ITPR1: variants seen among roughly 807,000 people sequenced by gnomAD.
ITPR1 encodes the protein inositol 1,4,5-trisphosphate-gated calcium channel ITPR1.
Under a neutral mutation model 318.4 loss-of-function variants are expected in ITPR1, and 96 were observed. The observed-to-expected ratio is 0.30, with a 90% CI of 0.26 to 0.36. The LOEUF (loss-of-function observed/expected upper bound fraction) is 0.36. ITPR1 is among the 10% of genes least tolerant of loss of function. ITPR1 has a pLI of 1.00. For synonymous variants in ITPR1, 1,312 were observed against 1,289.9 expected, an observed-to-expected ratio of 1.02 and a Z score of -0.37; for missense variants, 2,440 against 3,460.2, an observed-to-expected ratio of 0.71 and a Z score of 7.40.
chr3:4,670,277 A>G (rs1419698153), intron 19 of ITPR1, among the ~76,000 whole-genome samples: 1 of 152,242 alleles, frequency 6.6e-6, no homozygotes, highest in Non-Finnish European at 1.5e-5. Context: ...AAAACATACT[A>G]AATTACGTCC....
chr3:4,841,594 A>T (rs2106552688), intron 61 of ITPR1, among the ~76,000 whole-genome samples: 1 of 152,362 alleles, frequency 6.6e-6, no homozygotes, highest in Middle Eastern at 3.4e-3. Context: ...AAGTAAACAG[A>T]TCAATTATAA....
At chr3:4,499,943 T>C (rs304062) in intron 2 of ITPR1, among the ~76,000 whole-genome samples, 1 of 152,118 alleles carries the variant, frequency 6.6e-6, no homozygotes. Context: ...TTTGCTTAGG[T>C]GGGTGTGAGA....
intron 4 of ITPR1, among the ~76,000 whole-genome samples, chr3:4,603,486 G>C (rs1300316841): frequency 6.6e-6 from 1 of 152,066 alleles, no homozygotes; most frequent in Admixed American, 6.5e-5. Flanking sequence ...CTGGAGTGCA[G>C]TGGTGCAATC....
At chr3:4,793,652 GC>G (rs746327221) in intron 52 of ITPR1, among the ~76,000 whole-genome samples, 54 of 152,218 alleles carry the variant, frequency 3.5e-4, no homozygotes, top group Non-Finnish European at 5.7e-4. Flanking sequence ...GTCCTGGCTG[GC>G]CCCCCATTCA....
intron 20 of ITPR1, chr3:4,671,898 C>G (rs2094093792): frequency 6.6e-6 from 1 of 152,084 alleles, no homozygotes; most frequent in Admixed American, 6.5e-5. Context: ...AGTATTTTAT[C>G]TCTACTTAAA....
chr3:4,785,809 C>T (rs2047158931), intron 51 of ITPR1, among the ~76,000 whole-genome samples: 1 of 152,202 alleles, frequency 6.6e-6, no homozygotes, highest in South Asian at 2.1e-4. Flanking sequence ...GAAATATGTT[C>T]TCCTGACTCC....
chr3:4,795,298 A>C, intron 53 of ITPR1, 111 bp downstream of exon 53: 4 of 911,544 alleles, frequency 4.4e-6, no homozygotes, highest in South Asian at 2.8e-5. Flanking sequence ...GATCCCAGTT[A>C]TCCACATTCA....
intron 18 of ITPR1, among the ~76,000 whole-genome samples, chr3:4,669,275 C>T (rs1178787144): frequency 2.6e-5 from 4 of 152,210 alleles, no homozygotes; most frequent in African/African-American, 7.2e-5. Flanking sequence ...AGCAGAACTC[C>T]GCTAATAAGA....
chr3:4,499,932 CT>C (rs1287343339), intron 2 of ITPR1, among the ~76,000 whole-genome samples: 2 of 152,140 alleles, frequency 1.3e-5, no homozygotes, highest in Non-Finnish European at 2.9e-5. Flanking sequence ...GCTCTGTAAA[CT>C]TTGCTTAGGT....
At chr3:4,823,548 C>A (rs2049860777) in intron 60 of ITPR1, among the ~76,000 whole-genome samples, 1 of 151,920 alleles carries the variant, frequency 6.6e-6, no homozygotes, top group Non-Finnish European at 1.5e-5. Flanking sequence ...GTGAAATAAG[C>A]CAAGCACAAA....
intron 20 of ITPR1, among the ~76,000 whole-genome samples, chr3:4,672,856 A>G (rs1409278949): frequency 6.6e-6 from 1 of 152,200 alleles, no homozygotes; most frequent in Non-Finnish European, 1.5e-5. Context: ...TTAAGGACCT[A>G]GTGGAATTAG....
At chr3:4,511,551 G>T (rs183201011) in intron 2 of ITPR1, among the ~76,000 whole-genome samples, 59 of 152,284 alleles carry the variant, frequency 3.9e-4, no homozygotes, top group South Asian at 8.3e-4. Flanking sequence ...ATATATTGGT[G>T]GCATGCCTAC....
At chr3:4,524,674 G>A (rs921888198) in intron 4 of ITPR1, among the ~76,000 whole-genome samples, 4 of 152,132 alleles carry the variant, frequency 2.6e-5, no homozygotes, top group Non-Finnish European at 5.9e-5. Context: ...TAAGTAAATG[G>A]AAATCCAAGG....
intron 52 of ITPR1, among the ~76,000 whole-genome samples, chr3:4,790,878 A>G (rs1256700627): frequency 6.6e-6 from 1 of 152,160 alleles, no homozygotes; most frequent in Non-Finnish European, 1.5e-5. Context: ...TCTTCTGTGC[A>G]CTCACATCCT....
At chr3:4,758,355 G>A (rs929056603) in intron 44 of ITPR1, among the ~76,000 whole-genome samples, 2 of 152,124 alleles carry the variant, frequency 1.3e-5, no homozygotes, top group Non-Finnish European at 2.9e-5. Flanking sequence ...AGCCATGCCC[G>A]CTCCCACCAG....
chr3:4,553,759 C>T (rs754701062), intron 4 of ITPR1, among the ~76,000 whole-genome samples: 43 of 152,130 alleles, frequency 2.8e-4, no homozygotes, highest in Non-Finnish European at 5.3e-4. Context: ...CACCACCACG[C>T]CTGGCTAATT....
chr3:4,656,143 A>T (rs1238065323), intron 12 of ITPR1, among the ~76,000 whole-genome samples: 1 of 152,220 alleles, frequency 6.6e-6, no homozygotes, highest in Non-Finnish European at 1.5e-5. Context: ...AGGCTTCTGC[A>T]CATGTGCCTT....
At chr3:4,731,238 G>T (rs2042907342) in intron 42 of ITPR1, among the ~76,000 whole-genome samples, 1 of 152,186 alleles carries the variant, frequency 6.6e-6, no homozygotes, top group South Asian at 2.1e-4. Context: ...TTCAGAGAGT[G>T]CTGATGTGTT....
chr3:4,663,356 G>A (rs1032038666), intron 16 of ITPR1, 150 bp downstream of exon 16: 9 of 559,556 alleles, frequency 1.6e-5, no homozygotes, highest in East Asian at 3.1e-5. Flanking sequence ...TGAGCTGATC[G>A]CATCACTGCC....
Sources: gnomAD v4.1 joint callset for allele counts (sites outside exome capture counted in the v4.1 genomes callset) on GRCh38, gnomAD v4.1.1 for gene constraint, MANE v1.5 for transcripts, NCBI Gene and HGNC (gene_info 2026-07-23, HGNC 2026-07-21) for gene names.